The following BLTP1 variants were observed in gnomAD, a reference collection of about 807,000 sequenced individuals.
BLTP1 encodes the protein fragile site-associated protein.
At chr4:122,262,886 C>A in the BLTP1 span, 1 of 1,614,126 alleles carries the variant, frequency 6.2e-7, no homozygotes, top group Non-Finnish European at 8.5e-7. Context: ...GCCTACTCAG[C>A]TACCTGACTG....
At chr4:122,360,945 CGTGG>C in the BLTP1 span, among the ~76,000 whole-genome samples, 1 of 152,034 alleles carries the variant, frequency 6.6e-6, no homozygotes, top group Non-Finnish European at 1.5e-5. Context: ...TGGTAGAGAG[CGTGG>C]TTTAAGAGCT....
At chr4:122,164,746 TATC>T in the BLTP1 span, among the ~76,000 whole-genome samples, 1 of 151,658 alleles carries the variant, frequency 6.6e-6, no homozygotes, top group African/African-American at 2.4e-5. Flanking sequence ...AATCCATTAC[TATC>T]ATTTATTTTA....
chr4:122,263,006 T>G, the BLTP1 span: 3 of 1,606,386 alleles, frequency 1.9e-6, no homozygotes, highest in Non-Finnish European at 2.6e-6. Flanking sequence ...GATTTGATAA[T>G]TACATGTTTA....
chr4:122,212,425 T>A, the BLTP1 span, among the ~76,000 whole-genome samples: 1 of 152,146 alleles, frequency 6.6e-6, no homozygotes, highest in Non-Finnish European at 1.5e-5. Context: ...TATAAAGGAT[T>A]TAAAAGGTAA....
the BLTP1 span, among the ~76,000 whole-genome samples, chr4:122,242,402 C>A: frequency 6.6e-6 from 1 of 152,086 alleles, no homozygotes; most frequent in African/African-American, 2.4e-5. Flanking sequence ...CATGATTTCA[C>A]TCGTAGAATC....
chr4:122,344,782 A>G, the BLTP1 span: 1 of 983,242 alleles, frequency 1.0e-6, no homozygotes, highest in Non-Finnish European at 1.2e-6. Flanking sequence ...CCAAGGGCCA[A>G]GTATGCCTAA....
the BLTP1 span, chr4:122,280,094 C>T: frequency 6.4e-7 from 1 of 1,551,148 alleles, no homozygotes; most frequent in Non-Finnish European, 8.7e-7. Context: ...AAGTATCGAC[C>T]ATTATGGACA....
At chr4:122,258,567 G>T in the BLTP1 span, 4 of 1,162,530 alleles carry the variant, frequency 3.4e-6, no homozygotes, top group South Asian at 3.8e-5. Flanking sequence ...GGATTGGGGT[G>T]GGGGAGAAAA....
chr4:122,224,199 A>G, the BLTP1 span: 1 of 578,040 alleles, frequency 1.7e-6, no homozygotes, highest in Non-Finnish European at 2.2e-6. Context: ...CTGTCAAAGT[A>G]CTACTGTAGT....
the BLTP1 span, chr4:122,192,093 C>A: frequency 5.5e-6 from 4 of 733,276 alleles, no homozygotes; most frequent in South Asian, 3.4e-5. Context: ...TGAGAACAAC[C>A]CCTTTTAGGT....
At chr4:122,318,144 C>T in the BLTP1 span, 3 of 1,591,416 alleles carry the variant, frequency 1.9e-6, no homozygotes, top group African/African-American at 2.7e-5. Context: ...GTTTTGCATC[C>T]AGAAAATTAG....
At chr4:122,316,432 C>A in the BLTP1 span, 1 of 481,408 alleles carries the variant, frequency 2.1e-6, no homozygotes. Flanking sequence ...AGGCCTGACA[C>A]CCCCAAATCA....
the BLTP1 span, chr4:122,312,939 C>T: frequency 1.2e-6 from 1 of 838,498 alleles, no homozygotes; most frequent in Non-Finnish European, 1.4e-6. Flanking sequence ...GGTCTTAATT[C>T]TATGTTTAGA....
chr4:122,192,229 G>A, the BLTP1 span: 1 of 1,612,086 alleles, frequency 6.2e-7, no homozygotes, highest in African/African-American at 1.3e-5. Context: ...TGGAATATAG[G>A]ACTTGTTCCG....
the BLTP1 span, chr4:122,219,109 A>G: frequency 3.1e-6 from 3 of 982,608 alleles, no homozygotes; most frequent in East Asian, 1.1e-4. Context: ...AAGTTTTTCT[A>G]TAAAATAGGC....
chr4:122,161,824 A>G, the BLTP1 span, among the ~76,000 whole-genome samples: 56 of 152,308 alleles, frequency 3.7e-4, no homozygotes, highest in Middle Eastern at 0.01. Flanking sequence ...ATAGCTCATA[A>G]TGATGTATTT....
chr4:122,201,911 T>C, the BLTP1 span: 1 of 981,928 alleles, frequency 1.0e-6, no homozygotes, highest in Non-Finnish European at 1.2e-6. Context: ...TTTGGAGGTG[T>C]AGTGGTGTTT....
chr4:122,195,366 T>C, the BLTP1 span, among the ~76,000 whole-genome samples: 1 of 152,212 alleles, frequency 6.6e-6, no homozygotes, highest in African/African-American at 2.4e-5. Context: ...ACAAACTGTT[T>C]TACAATGAAA....
chr4:122,255,655 GA>G, the BLTP1 span, among the ~76,000 whole-genome samples: 6 of 150,378 alleles, frequency 4.0e-5, no homozygotes, highest in African/African-American at 1.2e-4. Flanking sequence ...TCAAGAAAAA[GA>G]AAAAAAAAGA....
Sources: allele counts gnomAD v4.1 joint callset (sites outside exome capture counted in the v4.1 genomes callset), GRCh38; gene constraint gnomAD v4.1.1; transcripts MANE v1.5; gene names NCBI Gene and HGNC (gene_info 2026-07-23, HGNC 2026-07-21).